MTRR: variants seen among roughly 807,000 people sequenced by gnomAD.
The protein encoded by MTRR is 5-methyltetrahydrofolate-homocysteine methyltransferase reductase, also known as methionine synthase reductase.
In MTRR, 63 loss-of-function variants were observed where a neutral mutation model predicts 79.2. The observed-to-expected ratio is 0.80, with a 90% CI of 0.65 to 0.98. The LOEUF (loss-of-function observed/expected upper bound fraction) is 0.98. Ranked by LOEUF, MTRR falls within the 50% of genes least tolerant of loss-of-function variation. MTRR has a pLI of 0.00. For synonymous variants in MTRR, 355 were observed against 313.3 expected (o/e 1.13, Z -1.41); for missense variants, 895 against 839.6 (o/e 1.07, Z -0.82).
intron 1 of MTRR, among the ~76,000 whole-genome samples, chr5:7,857,593 CT>C (rs1319479619): frequency 6.6e-6 from 1 of 152,224 alleles, no homozygotes; most frequent in Non-Finnish European, 1.5e-5. Flanking sequence ...CTCTGAGGCT[CT>C]CTCTCACTGC....
At chr5:7,866,786 T>G (rs1327054202), upstream of MTRR, 14 of 1,614,206 alleles carry the variant, frequency 8.7e-6, no homozygotes, top group Non-Finnish European at 1.1e-5. Flanking sequence ...TAGCACGTTT[T>G]CCAGCTTTCT....
Position 7,897,084 on chromosome 5 carries a change from C to T in MTRR, c.1789C>T (p.Leu597Phe). Residue 597 changes from leucine to phenylalanine, a missense_variant, in exon 14 of 15, where the codon CTT becomes TTT. Coordinates refer to ENST00000440940, the MANE Select transcript of MTRR (RefSeq NM_002454.3). ...TTTCAGAAAAGAGCTCAGACATTTC[C>T]TTAAGCATGGGATCTTAACTCATCT... ...YLFRKELRHF[L>F]KHGILTHLKV... 6.2e-7 allele frequency: 1 copy of T among 1,614,096 alleles called. No homozygotes were observed. Among genetic ancestry groups the T allele is most frequent in the South Asian group, 1.1e-5 (1 of 91,086 alleles).
chr5:7,867,327 G>T, upstream of MTRR: 3 of 1,613,918 alleles, frequency 1.9e-6, no homozygotes, highest in Non-Finnish European at 2.5e-6. Flanking sequence ...ATATCCTCCG[G>T]GGTAAATGTT....
chr5:7,882,193 G>T (rs1579694857), intron 5 of MTRR, among the ~76,000 whole-genome samples: 1 of 152,218 alleles, frequency 6.6e-6, no homozygotes, highest in African/African-American at 2.4e-5. Context: ...ATCCCACAGG[G>T]TTCTCTGGAG....
chr5:7,880,291 G>T (rs1012586615), intron 5 of MTRR, among the ~76,000 whole-genome samples: 2 of 152,206 alleles, frequency 1.3e-5, no homozygotes, highest in Non-Finnish European at 2.9e-5. Context: ...CAGGACTTAT[G>T]ATAGCCCTGG....
intron 1 of MTRR, among the ~76,000 whole-genome samples, chr5:7,858,720 A>G (rs1413629836): frequency 4.6e-5 from 7 of 151,876 alleles, no homozygotes; most frequent in Non-Finnish European, 1.0e-4. Context: ...CCCTCCTTCA[A>G]AAAATACACT....
chr5:7,872,166 TACA>T (rs1447998524), intron 2 of MTRR: 3 of 423,394 alleles, frequency 7.1e-6, no homozygotes, highest in Non-Finnish European at 1.4e-5. Context: ...ACACACAACT[TACA>T]TAGAGTCTTG....
At chr5:7,867,797 T>C (rs756707899), upstream of MTRR, 1 of 1,614,218 alleles carries the variant, frequency 6.2e-7, no homozygotes, top group South Asian at 1.1e-5. Flanking sequence ...ACTCTCCTCA[T>C]TTTTAACATT....
intron 6 of MTRR, among the ~76,000 whole-genome samples, 184 bp downstream of exon 6, chr5:7,883,461 CTT>C (rs1735908160): frequency 7.3e-6 from 1 of 137,892 alleles, no homozygotes; most frequent in African/African-American, 2.6e-5. Flanking sequence ...TTGTGTGGTG[CTT>C]GGTTACATAT....
chr5:7,881,901 G>A (rs1017957237), intron 5 of MTRR, among the ~76,000 whole-genome samples: 1 of 152,032 alleles, frequency 6.6e-6, no homozygotes, highest in Non-Finnish European at 1.5e-5. Context: ...TGCTACTTAC[G>A]GTTGCATTGT....
At chr5:7,886,770 A>G (rs1211971231) in intron 8 of MTRR, 67 bp downstream of exon 8, 3 of 1,319,230 alleles carry the variant, frequency 2.3e-6, no homozygotes, top group African/African-American at 2.9e-5. Flanking sequence ...GGATTGATTA[A>G]ACAAATTTAG....
At chr5:7,859,640 G>A (rs1214282794) in intron 1 of MTRR, 9 of 687,250 alleles carry the variant, frequency 1.3e-5, no homozygotes, top group South Asian at 6.5e-5. Flanking sequence ...TCCCCACAGC[G>A]GAATGTAAGC....
At chr5:7,878,985 A>G (rs780457440) in intron 5 of MTRR, among the ~76,000 whole-genome samples, 1 of 152,172 alleles carries the variant, frequency 6.6e-6, no homozygotes, top group Non-Finnish European at 1.5e-5. Flanking sequence ...TTTAATGAAG[A>G]CAGATTTAGA....
At chr5:7,867,921 C>A (rs140095335), upstream of MTRR, 63 of 1,614,072 alleles carry the variant, frequency 3.9e-5, no homozygotes, top group African/African-American at 7.2e-4. Context: ...TGGAATTTGA[C>A]CCCGAAAGGC....
intron 6 of MTRR, 34 bp from the exon 7 acceptor site, chr5:7,885,667 G>GTTT (rs1258714932): frequency 7.5e-7 from 1 of 1,326,880 alleles, no homozygotes; most frequent in East Asian, 2.5e-5. Flanking sequence ...CACGTATAAT[G>GTTT]TATTTTTTTT....
intron 1 of MTRR, among the ~76,000 whole-genome samples, chr5:7,853,025 C>T (rs982977690): frequency 3.3e-5 from 5 of 152,166 alleles, no homozygotes; most frequent in Non-Finnish European, 7.3e-5. Context: ...TTTGTCATGT[C>T]CTAGACCAAG....
intron 14 of MTRR, 100 bp from the exon 15 acceptor site, chr5:7,899,814 A>G (rs905895395): frequency 4.2e-6 from 6 of 1,442,024 alleles, no homozygotes; most frequent in Non-Finnish European, 5.9e-6. Context: ...GGAGGGAAGA[A>G]CTATGGTGGT....
chr5:7,861,750 T>G, intron 1 of MTRR: 1 of 1,504,294 alleles, frequency 6.6e-7, no homozygotes, highest in Non-Finnish European at 8.9e-7. Context: ...CCTTCCACCT[T>G]GCATTGATCA....
chr5:7,865,778 C>A (rs16879258), upstream of MTRR: 86,054 of 715,368 alleles, frequency 0.12, 5,749 homozygotes, highest in Middle Eastern at 0.2. Flanking sequence ...CTGGTGGCAA[C>A]TGACTCCAAG....
Sources: allele counts gnomAD v4.1 joint callset (sites outside exome capture counted in the v4.1 genomes callset), GRCh38; gene constraint gnomAD v4.1.1; transcripts MANE v1.5; gene names NCBI Gene and HGNC (gene_info 2026-07-23, HGNC 2026-07-21).